Variants in SPATC1 observed in about 807,000 individuals in gnomAD.
SPATC1 encodes the protein spermatogenesis and centriole associated 1.
SPATC1 carries 35 observed loss-of-function variants against 36.5 expected under a neutral mutation model. The observed-to-expected ratio is 0.96, with a 90% CI of 0.73 to 1.27. The LOEUF (loss-of-function observed/expected upper bound fraction) is 1.27, where lower values mean the gene tolerates loss of function less well. Among genes scored for constraint, SPATC1 ranks in the 50% most tolerant of loss-of-function variants. The probability of loss-of-function intolerance (pLI) is 0.00; values close to 1 mark genes in which losing one functional copy is unlikely to be tolerated. For missense variants in SPATC1, 779 were observed against 796.0 expected (o/e 0.98, Z 0.26); for synonymous variants, 361 against 353.6 (o/e 1.02, Z -0.24).
At chr8:144,015,740 C>CAAAAA (rs374846456) in intron 1 of SPATC1, among the ~76,000 whole-genome samples, 1 of 81,420 alleles carries the variant, frequency 1.2e-5, no homozygotes, top group African/African-American at 4.7e-5. Context: ...GACTCTGTCT[C>CAAAAA]AAAAAAAAAA....
At chr8:144,017,792 T>C (rs1834423697) in intron 1 of SPATC1, among the ~76,000 whole-genome samples, 1 of 152,222 alleles carries the variant, frequency 6.6e-6, no homozygotes, top group East Asian at 1.9e-4. Flanking sequence ...TCATTTATAC[T>C]CTTGCCCACA....
At chr8:144,030,817 G>A (rs1834778626) in intron 1 of SPATC1, among the ~76,000 whole-genome samples, 1 of 151,740 alleles carries the variant, frequency 6.6e-6, no homozygotes, top group Admixed American at 6.6e-5. Context: ...TGGTTACCCT[G>A]GGGGTCACAA....
Position 144,040,924 on chromosome 8 carries a change from A to G in SPATC1, c.1123A>G (p.Asn375Asp), listed in dbSNP as rs782415508. ...CCGAATGCATAATTCCCCAACCCAG[A>G]ACCTGCCTGTCCCCCACTGTCCTCC... is the stretch of plus-strand genomic sequence containing the variant. ...PSRMHNSPTQ[N>D]LPVPHCPPHN... The change falls in exon 3 of 5, where the codon AAC becomes GAC. Residue 375 changes from asparagine (N) to aspartate (D), a missense_variant. By Grantham distance (23) the Asn-to-Asp change is conservative. Transcript: ENST00000377470. 6.3e-7 allele frequency: 1 copy of G among 1,591,428 alleles called. No homozygotes were observed. The highest frequency in any genetic ancestry group is 8.6e-7 in the Non-Finnish European group (1 of 1,169,080).
At chr8:144,036,895 G>A (rs981368711) in intron 1 of SPATC1, among the ~76,000 whole-genome samples, 124 of 152,078 alleles carry the variant, frequency 8.2e-4, no homozygotes, top group African/African-American at 2.8e-3. Flanking sequence ...ACGTCCGTAA[G>A]ATGAGGCCTC....
At chr8:144,036,314 G>A (rs1834896940) in intron 1 of SPATC1, among the ~76,000 whole-genome samples, 1 of 152,156 alleles carries the variant, frequency 6.6e-6, no homozygotes, top group Non-Finnish European at 1.5e-5. Flanking sequence ...TGTTTGGAAA[G>A]CGGAACTTAG....
At chr8:144,018,863 C>T (rs1219423681) in intron 1 of SPATC1, among the ~76,000 whole-genome samples, 1 of 118,296 alleles carries the variant, frequency 8.5e-6, no homozygotes, top group African/African-American at 3.3e-5. Context: ...GAAACCCCGT[C>T]TCTACTAAAA....
In SPATC1 at chr8:144,040,584, G is replaced by GC. The variant is rs782200741; in HGVS notation, c.790dup (p.Gln264ProfsTer107). On this transcript the variant is annotated frameshift_variant, in exon 3 of 5. Transcript: ENST00000377470. LOFTEE classifies it high-confidence loss of function. ...CATCACTAGTCCCACTCTCCACTGAGCCCCCCCAGTCGACCCAGGACCCAG... is the reference window on the plus strand; with the variant it reads ...CATCACTAGTCCCACTCTCCACTGAGCCCCCCCCAGTCGACCCAGGACCCAG... The GC allele has an allele frequency of 1.8e-5, 29 of 1,594,514 alleles. 1 individual carries two copies. Among genetic ancestry groups the GC allele is most frequent in the African/African-American group, 2.7e-5 (2 of 74,048 alleles).
intron 1 of SPATC1, among the ~76,000 whole-genome samples, chr8:144,035,549 C>T (rs1834881780): frequency 2.0e-5 from 3 of 152,212 alleles, no homozygotes; most frequent in South Asian, 4.1e-4. Flanking sequence ...TGAATTGCTC[C>T]CTCAGTTACC....
chr8:144,033,037 A>G (rs1041412089), intron 1 of SPATC1, among the ~76,000 whole-genome samples: 8 of 151,708 alleles, frequency 5.3e-5, no homozygotes, highest in Non-Finnish European at 1.0e-4. Context: ...TTACCAAACT[A>G]TAATATTTCA....
At chr8:144,013,659 G>C (rs1409130155) in intron 1 of SPATC1, among the ~76,000 whole-genome samples, 4 of 152,088 alleles carry the variant, frequency 2.6e-5, no homozygotes, top group African/African-American at 9.7e-5. Context: ...AGGGTAAAAA[G>C]AATAATACAC....
At chr8:144,014,339 GAGAA>G (rs1834339576) in intron 1 of SPATC1, among the ~76,000 whole-genome samples, 1 of 149,556 alleles carries the variant, frequency 6.7e-6, no homozygotes, top group Non-Finnish European at 1.5e-5. Flanking sequence ...AAGAAAGAAA[GAGAA>G]AGAAAGGGAA....
chr8:144,013,558 G>A (rs1554752741), intron 1 of SPATC1, among the ~76,000 whole-genome samples: 1 of 152,104 alleles, frequency 6.6e-6, no homozygotes, highest in African/African-American at 2.4e-5. Flanking sequence ...TGTGGCATAG[G>A]GCTGGTCTTC....
rs542080616 is a variant in SPATC1 at position 144,039,897 on chromosome 8, C to T, written c.212-12C>T. 1.2e-6 allele frequency: 2 copies of T among 1,607,550 alleles called. No individual in the cohort carries two copies. The highest frequency in any genetic ancestry group is 1.7e-5 in the Admixed American group (1 of 59,740). ...CTCCCCTGGGGTCTCAGTGCTTTCT[C>T]TGTGTTCCCAGGTGTCTTCCTGCCC... On this transcript the variant is annotated splice_polypyrimidine_tract_variant and intron_variant, in intron 1 of 4. Transcript: ENST00000377470.
rs1190402771 is a variant in SPATC1 at position 144,045,586 on chromosome 8, T to C, written c.1447-1041T>C. Among the ~76,000 whole-genome samples, 1 of 151,956 alleles carries C rather than the reference T, an allele frequency of 6.6e-6. No individual in the cohort carries two copies. Among genetic ancestry groups the C allele is most frequent in the Non-Finnish European group, 1.5e-5 (1 of 67,972 alleles). ...ATGGGGGGACACTGGAGGGTGGCCCTCCCCCAAGTGTTGGAGCAGCGGAAA... is the reference window on the plus strand; with the variant it reads ...ATGGGGGGACACTGGAGGGTGGCCCCCCCCCAAGTGTTGGAGCAGCGGAAA... On this transcript the variant is annotated intron_variant, in intron 4 of 4. Transcript: ENST00000377470. This position sits in a 1 kb window ranked among gnomAD's most constrained non-coding sequence, Gnocchi z 5.2.
Position 144,039,920 on chromosome 8 carries a change from C to T in SPATC1, c.223C>T (p.Pro75Ser), listed in dbSNP as rs1554755353. The T allele has an allele frequency of 2.5e-6, 4 of 1,613,024 alleles. No individual in the cohort carries two copies. The highest frequency in any genetic ancestry group is 2.2e-5 in the South Asian group (2 of 90,970). ...SSRQNNGVFL[P>S]PSPAVANERV... ...CTCTGTGTTCCCAGGTGTCTTCCTG[C>T]CCCCGTCCCCAGCAGTGGCAAACGA... The change falls in exon 2 of 5, where the codon CCC becomes TCC. Residue 75 changes from proline to serine, a missense_variant. Coordinates refer to ENST00000377470, the MANE Select transcript of SPATC1 (RefSeq NM_198572.3).
At chr8:144,035,050 C>T (rs1834870554) in intron 1 of SPATC1, among the ~76,000 whole-genome samples, 1 of 152,178 alleles carries the variant, frequency 6.6e-6, no homozygotes, top group Non-Finnish European at 1.5e-5. Flanking sequence ...AGCTATTATA[C>T]ATTTGAACAT....
intron 1 of SPATC1, among the ~76,000 whole-genome samples, chr8:144,028,952 C>A (rs960956379): frequency 2.0e-5 from 3 of 151,990 alleles, no homozygotes; most frequent in East Asian, 1.9e-4. Flanking sequence ...AACCCAGGAA[C>A]AGGAAAGCCA....
Position 144,012,708 on chromosome 8 carries a change from T to C in SPATC1, c.193T>C (p.Ser65Pro), listed in dbSNP as rs60050811. 97,564 of 1,551,440 alleles carry C rather than the reference T, an allele frequency of 0.063. 7,676 individuals are homozygous for C. Among genetic ancestry groups the C allele is most frequent in the African/African-American group, 0.4 (28,949 of 73,026 alleles). ...SGLGEATAGL[S>P]SRQNNGVFLP... ...GCTTGGTGAGGCAACAGCAGGCCTT[T>C]CCTCACGCCAGAACAATGGTAAGAG... Residue 65 changes from serine (S) to proline (P), a missense_variant, in exon 1 of 5, where the codon TCC (serine) becomes CCC (proline). Physicochemically the swap from Ser to Pro is moderately conservative, Grantham distance 74. Coordinates refer to ENST00000377470, the MANE Select transcript of SPATC1 (RefSeq NM_198572.3).
At chr8:144,039,646 C>G (rs1183334011) in intron 1 of SPATC1, among the ~76,000 whole-genome samples, 2 of 152,138 alleles carry the variant, frequency 1.3e-5, no homozygotes, top group South Asian at 4.1e-4. Context: ...GAGAACTGAC[C>G]CAAAAATCAG....
Sources: gnomAD v4.1 joint callset for allele counts (sites outside exome capture counted in the v4.1 genomes callset) on GRCh38, gnomAD v4.1.1 for gene constraint, Gnocchi (gnomAD v3.1) non-coding constraint, MANE v1.5 for transcripts, NCBI Gene and HGNC (gene_info 2026-07-23, HGNC 2026-07-21) for gene names.